The following THEMIS variants were observed in gnomAD, a reference collection of about 807,000 sequenced individuals.
THEMIS encodes the protein thymocyte selection associated, also known as protein THEMIS.
Under a neutral mutation model 52.6 loss-of-function variants are expected in THEMIS, and 37 were observed. That is an observed-to-expected ratio of 0.70 (90% confidence interval 0.54 to 0.93). The LOEUF (loss-of-function observed/expected upper bound fraction) is 0.93, where lower values mean the gene tolerates loss of function less well. THEMIS is among the 40% of genes least tolerant of loss of function. THEMIS has a pLI of 0.00. For synonymous variants in THEMIS, 292 were observed against 272.7 expected, an observed-to-expected ratio of 1.07 and a Z score of -0.70; for missense variants, 808 against 763.1, an observed-to-expected ratio of 1.06 and a Z score of -0.69.
At chr6:127,914,725 AG>A (rs1269614020) in intron 1 of THEMIS, among the ~76,000 whole-genome samples, 1 of 152,240 alleles carries the variant, frequency 6.6e-6, no homozygotes, top group Non-Finnish European at 1.5e-5. Context: ...AAGGAATGAA[AG>A]GAACTTTCAA....
chr6:127,843,546 T>C (rs270004), intron 2 of THEMIS, among the ~76,000 whole-genome samples: 86,774 of 151,822 alleles, frequency 0.57, 25,924 homozygotes, highest in East Asian at 0.83. Context: ...ATATCCTAGA[T>C]ACACATTTTA....
At chr6:127,878,559 C>T (rs577633968) in intron 1 of THEMIS, among the ~76,000 whole-genome samples, 2 of 152,236 alleles carry the variant, frequency 1.3e-5, no homozygotes, top group South Asian at 2.1e-4. Context: ...CATCTACTTT[C>T]AAGAACTGAA....
chr6:127,846,104 G>T (rs887683615), intron 2 of THEMIS, among the ~76,000 whole-genome samples: 2 of 152,082 alleles, frequency 1.3e-5, no homozygotes, highest in East Asian at 1.9e-4. Context: ...GTAAATCTCT[G>T]TTCAGACATC....
intron 2 of THEMIS, among the ~76,000 whole-genome samples, chr6:127,837,959 T>A (rs577104912): frequency 5.3e-5 from 8 of 152,128 alleles, no homozygotes; most frequent in Non-Finnish European, 5.9e-5. Context: ...TTAAGTTGAT[T>A]CTATTATTTT....
chr6:127,819,469 A>G (rs1433242271), intron 3 of THEMIS, among the ~76,000 whole-genome samples: 1 of 152,180 alleles, frequency 6.6e-6, no homozygotes, highest in Non-Finnish European at 1.5e-5. Flanking sequence ...AAATACCAAA[A>G]AAAATCTATA....
intron 1 of THEMIS, among the ~76,000 whole-genome samples, chr6:127,913,181 C>G (rs1781449565): frequency 6.6e-6 from 1 of 152,062 alleles, no homozygotes; most frequent in South Asian, 2.1e-4. Context: ...ATCAAGTAAT[C>G]CCTCATAAAA....
At chr6:127,758,060 T>G (rs1775895368) in intron 4 of THEMIS, among the ~76,000 whole-genome samples, 1 of 151,668 alleles carries the variant, frequency 6.6e-6, no homozygotes, top group South Asian at 2.1e-4. Context: ...TATAACAATA[T>G]ATATTTATAT....
chr6:127,749,766 C>G (rs1775570334), intron 4 of THEMIS, among the ~76,000 whole-genome samples: 1 of 151,474 alleles, frequency 6.6e-6, no homozygotes, highest in Middle Eastern at 3.4e-3. Flanking sequence ...ATAAAACAGG[C>G]CTTATCTCCT....
chr6:127,883,926 ATATAT>A (rs1220144648), intron 1 of THEMIS, among the ~76,000 whole-genome samples: 2 of 152,134 alleles, frequency 1.3e-5, no homozygotes, highest in South Asian at 2.1e-4. Flanking sequence ...TGTGTTATAT[ATATAT>A]TATATGTGCT....
chr6:127,841,608 T>C, intron 2 of THEMIS, among the ~76,000 whole-genome samples: 1 of 152,008 alleles, frequency 6.6e-6, no homozygotes, highest in South Asian at 2.1e-4. Context: ...AGTAACAGAA[T>C]CATTTTAACC....
At chr6:127,835,696 G>T (rs1778852673) in intron 2 of THEMIS, among the ~76,000 whole-genome samples, 1 of 152,082 alleles carries the variant, frequency 6.6e-6, no homozygotes, top group Non-Finnish European at 1.5e-5. Flanking sequence ...TCAAAATCGA[G>T]ATAACAAAAT....
intron 4 of THEMIS, among the ~76,000 whole-genome samples, chr6:127,740,759 A>T (rs534441618): frequency 6.6e-6 from 1 of 152,352 alleles, no homozygotes; most frequent in South Asian, 2.1e-4. Context: ...GAGAGCATTT[A>T]CGAGTCACTA....
rs185295726 is a variant in THEMIS, at chr6:127,725,726, C to T, written c.1759-5903G>A. On this transcript the variant is annotated intron_variant, in intron 4 of 5. Coordinates refer to ENST00000368248, the MANE Select transcript of THEMIS (RefSeq NM_001010923.3). Reference sequence around the variant, plus strand: ...CAATGATCCATACATACTCAAACTGCCCTTTCTGCACAGAATGTCTTCTTT... The same window carrying T: ...CAATGATCCATACATACTCAAACTGTCCTTTCTGCACAGAATGTCTTCTTT... Among the ~76,000 whole-genome samples, 33 of 152,174 alleles carry T rather than the reference C, an allele frequency of 2.2e-4. No individual in the cohort carries two copies. The East Asian group carries it at 6.0e-3, about 28-fold the overall frequency.
At chr6:127,808,866 T>C (rs759620492) in intron 4 of THEMIS, among the ~76,000 whole-genome samples, 2 of 152,226 alleles carry the variant, frequency 1.3e-5, no homozygotes, top group African/African-American at 4.8e-5. Context: ...CCTGTCCTCA[T>C]ATATTCTTAA....
intron 4 of THEMIS, among the ~76,000 whole-genome samples, chr6:127,729,283 T>A (rs1411290969): frequency 2.0e-5 from 3 of 151,726 alleles, no homozygotes; most frequent in Non-Finnish European, 4.4e-5. Context: ...GTTTCTGACA[T>A]ACATTCATGT....
chr6:127,871,266 A>G (rs1286531775), intron 1 of THEMIS, among the ~76,000 whole-genome samples: 1 of 152,074 alleles, frequency 6.6e-6, no homozygotes. Flanking sequence ...TTATATATGC[A>G]TATAATACAT....
At chr6:127,699,722 C>T in the THEMIS span, among the ~76,000 whole-genome samples, 1 of 150,040 alleles carries the variant, frequency 6.7e-6, no homozygotes, top group Admixed American at 6.7e-5. Flanking sequence ...GCTTAAATAT[C>T]TATTTGGGGA....
chr6:127,829,686 A>C lies in THEMIS; in HGVS notation c.499T>G (p.Leu167Val), dbSNP rs1356911074. The change falls in exon 3 of 6, where the codon TTG (leucine) becomes GTG (valine). Residue 167 changes from leucine to valine, a missense_variant. Coordinates refer to ENST00000368248, the MANE Select transcript of THEMIS (RefSeq NM_001010923.3). ...NHQTHSFNLP[L>V]SQEGEFYECE... ...TCGTAGAATTCTCCTTCTTGTGACA[A>C]AGGCAAATTAAATGAGTGAGTTTGA... 2 of 1,614,082 alleles carry C rather than the reference A, an allele frequency of 1.2e-6. No individual in the cohort carries two copies. The highest frequency in any genetic ancestry group is 2.2e-5 in the South Asian group (2 of 91,068).
At chr6:127,778,879 A>G (rs1481000976) in intron 4 of THEMIS, among the ~76,000 whole-genome samples, 2 of 151,782 alleles carry the variant, frequency 1.3e-5, no homozygotes, top group Non-Finnish European at 2.9e-5. Context: ...TGGAGAATAA[A>G]GAAATAATAC....
Sources: allele counts gnomAD v4.1 joint callset (sites outside exome capture counted in the v4.1 genomes callset), GRCh38; gene constraint gnomAD v4.1.1; transcripts MANE v1.5; gene names NCBI Gene and HGNC (gene_info 2026-07-23, HGNC 2026-07-21).